Variants in UBE2W observed in about 807,000 individuals in gnomAD.
UBE2W encodes the protein ubiquitin conjugating enzyme E2 W, also known as ubiquitin-conjugating enzyme E2 W.
In UBE2W, 18 loss-of-function variants were observed where a neutral mutation model predicts 27.2. The observed-to-expected ratio is 0.66, with a 90% CI of 0.46 to 0.98. The LOEUF (loss-of-function observed/expected upper bound fraction) is 0.98. Among genes scored for constraint, UBE2W ranks in the 50% least tolerant of loss-of-function variants. UBE2W has a pLI of 0.00. For synonymous variants in UBE2W, 53 were observed against 57.2 expected (o/e 0.93, Z 0.33); for missense variants, 90 against 180.2 (o/e 0.50, Z 2.87).
At chr8:73,798,048 G>T (rs2130850953) in intron 5 of UBE2W, among the ~76,000 whole-genome samples, 1 of 152,312 alleles carries the variant, frequency 6.6e-6, no homozygotes, top group Non-Finnish European at 1.5e-5. Flanking sequence ...AGCACTTTGG[G>T]AGGCTGAGGC....
Position 73,788,818 on chromosome 8 carries a change from C to G in UBE2W, c.*5284G>C. On this transcript the variant is annotated 3_prime_UTR_variant, in exon 6 of 6. Transcript: ENST00000602593. ...AGAGTGTATGTGCCAAGGACTAGAA[C>G]AAGAATTGGATCTCTCCTTTTCCCA... The G allele has an allele frequency of 3.0e-6, 3 of 985,352 alleles. No homozygotes were observed. The highest frequency in any genetic ancestry group is 3.6e-6 in the Non-Finnish European group (3 of 829,924). 61.0% of individuals were successfully genotyped at this position (985,352 alleles called of 1,614,324 possible).
intron 3 of UBE2W, among the ~76,000 whole-genome samples, chr8:73,822,602 C>CAAAAAAAAAAAAAAAAA (rs67427702): frequency 5.9e-5 from 3 of 51,216 alleles, no homozygotes; most frequent in Non-Finnish European, 1.1e-4. Flanking sequence ...CTTGCAACTG[C>CAAAAAAAAAAAAAAAAA]AAAAAAAAAA....
rs1808178393 is a variant in UBE2W, at chr8:73,791,257, C to A, written c.*2845G>T. On this transcript the variant is annotated 3_prime_UTR_variant, in exon 6 of 6. Transcript: ENST00000602593. ...TCTAAACCTATGGCATTAATCCCTA[C>A]TTGACCAAAGAAAAAAAAAAAAAAG... 1.0e-6 allele frequency: 1 copy of A among 977,516 alleles called. No individual in the cohort carries two copies. The allele number at this position is 977,516 out of a possible 1,614,324, so 60.6% of individuals were successfully genotyped here.
intron 3 of UBE2W, among the ~76,000 whole-genome samples, chr8:73,822,765 C>T (rs1250564525): frequency 6.6e-6 from 1 of 151,938 alleles, no homozygotes; most frequent in Non-Finnish European, 1.5e-5. Flanking sequence ...ACCTGGGTGA[C>T]AAAGCGAGAC....
downstream of UBE2W, among the ~76,000 whole-genome samples, chr8:73,784,420 T>A (rs1456376896): frequency 3.3e-5 from 5 of 152,214 alleles, no homozygotes; most frequent in African/African-American, 1.2e-4. Flanking sequence ...GATCCCAAGT[T>A]AAGCCAGGCA....
At chr8:73,832,478 T>C (rs1810116201) in intron 1 of UBE2W, among the ~76,000 whole-genome samples, 1 of 152,178 alleles carries the variant, frequency 6.6e-6, no homozygotes, top group Non-Finnish European at 1.5e-5. Flanking sequence ...AATCTTACAT[T>C]AAAAAAATAG....
chr8:73,839,824 C>T (rs1463917165), intron 1 of UBE2W, among the ~76,000 whole-genome samples: 15 of 150,036 alleles, frequency 1.0e-4, no homozygotes, highest in African/African-American at 2.9e-4. Context: ...CTCTACTTCC[C>T]GGGCTCAAGC....
chr8:73,877,931 TC>T (rs1399273645), intron 1 of UBE2W, among the ~76,000 whole-genome samples: 1 of 152,078 alleles, frequency 6.6e-6, no homozygotes, highest in Non-Finnish European at 1.5e-5. Context: ...CCTTGCTAAG[TC>T]GGGGGGATAT....
chr8:73,810,105 A>AGAAG (rs1809093551), intron 4 of UBE2W, among the ~76,000 whole-genome samples: 1 of 152,238 alleles, frequency 6.6e-6, no homozygotes, highest in Admixed American at 6.5e-5. Context: ...GGCAGAGGGG[A>AGAAG]GAAGGAAGCT....
intron 1 of UBE2W, among the ~76,000 whole-genome samples, chr8:73,862,013 A>G (rs878968535): frequency 6.6e-6 from 1 of 152,248 alleles, no homozygotes; most frequent in Admixed American, 6.5e-5. Flanking sequence ...AAACTTTGAA[A>G]TGTCTCCTGA....
At chr8:73,871,981 C>T (rs1812024910) in intron 1 of UBE2W, among the ~76,000 whole-genome samples, 1 of 152,130 alleles carries the variant, frequency 6.6e-6, no homozygotes, top group Non-Finnish European at 1.5e-5. Context: ...TAGCCTCGAA[C>T]TCCCTGAGCT....
At position 73,790,338 on chromosome 8, in the gene UBE2W, T is replaced by C. The variant is rs1413809800; in HGVS notation, c.*3764A>G. The C allele has an allele frequency of 4.1e-6, 4 of 985,334 alleles. No homozygotes were observed. The African/African-American group carries it at 5.2e-5, about 13-fold the overall frequency. 61.0% of individuals were successfully genotyped at this position (985,334 alleles called of 1,614,324 possible). A position where few individuals can be genotyped will look rare whatever the true frequency, so the allele number is the denominator to read the frequency against. On this transcript the variant is annotated 3_prime_UTR_variant, in exon 6 of 6. Transcript: ENST00000602593. ...GGACTACAAAGAGGATTGGGGCCAG[T>C]TGGTGCAGATTAAAAGACACCTTCT...
chr8:73,822,236 C>T (rs1342071657), intron 3 of UBE2W, among the ~76,000 whole-genome samples: 1 of 152,092 alleles, frequency 6.6e-6, no homozygotes, highest in Non-Finnish European at 1.5e-5. Context: ...TGTCGGCCAA[C>T]CTCCCCAACA....
intron 3 of UBE2W, among the ~76,000 whole-genome samples, chr8:73,813,685 T>C (rs1313059494): frequency 2.0e-5 from 3 of 151,602 alleles, no homozygotes; most frequent in African/African-American, 7.3e-5. Context: ...ATTTCTGAAA[T>C]AAAAGGAAAT....
chr8:73,845,007 G>A (rs1432150270), intron 1 of UBE2W, among the ~76,000 whole-genome samples: 12 of 43,648 alleles, frequency 2.7e-4, no homozygotes, highest in Non-Finnish European at 8.1e-4. Flanking sequence ...CCCCGTCCAG[G>A]AGGTGGGGGG....
intron 1 of UBE2W, among the ~76,000 whole-genome samples, chr8:73,865,359 C>G (rs1279668479): frequency 6.6e-6 from 1 of 150,636 alleles, no homozygotes; most frequent in African/African-American, 2.5e-5. Flanking sequence ...ATGTCTGTAA[C>G]CCCAGCACTT....
At chr8:73,805,608 AT>A (rs1563578216) in intron 5 of UBE2W, 42 bp downstream of exon 5, 2 of 1,224,442 alleles carry the variant, frequency 1.6e-6, no homozygotes, top group Non-Finnish European at 2.2e-6. Flanking sequence ...TATAATCTTC[AT>A]ATCAAAATGC....
intron 3 of UBE2W, among the ~76,000 whole-genome samples, chr8:73,812,729 G>T (rs1471431013): frequency 6.6e-6 from 1 of 151,800 alleles, no homozygotes; most frequent in African/African-American, 2.4e-5. Flanking sequence ...GATATTTTTC[G>T]GTGTGGCTCA....
chr8:73,823,672 C>T (rs1374517009), intron 3 of UBE2W, among the ~76,000 whole-genome samples: 1 of 152,150 alleles, frequency 6.6e-6, no homozygotes, highest in African/African-American at 2.4e-5. Flanking sequence ...TTATTGTAGA[C>T]ATCTAGAGGT....
Sources: gnomAD v4.1 joint callset for allele counts (sites outside exome capture counted in the v4.1 genomes callset) on GRCh38, gnomAD v4.1.1 for gene constraint, MANE v1.5 for transcripts, NCBI Gene and HGNC (gene_info 2026-07-23, HGNC 2026-07-21) for gene names.